Variants in RDX observed in about 807,000 individuals in gnomAD.
RDX encodes radixin, also known as deafness, autosomal recessive 24.
In RDX, 32 loss-of-function variants were observed where a neutral mutation model predicts 83.7. That is an observed-to-expected ratio of 0.38 (90% CI 0.29 to 0.51). The LOEUF (loss-of-function observed/expected upper bound fraction) is 0.51, where lower values mean the gene tolerates loss of function less well. RDX is among the 20% of genes least tolerant of loss of function. RDX has a pLI of 0.87. For missense variants in RDX, 600 were observed against 689.9 expected (o/e 0.87, Z 1.46); for synonymous variants, 229 against 222.7 (o/e 1.03, Z -0.25).
At chr11:110,248,702 A>C (rs559746499) in intron 9 of RDX, among the ~76,000 whole-genome samples, 1 of 152,330 alleles carries the variant, frequency 6.6e-6, no homozygotes, top group South Asian at 2.1e-4. Flanking sequence ...CCATGCCCCA[A>C]GAAAATATCT....
At chr11:110,250,762 T>C (rs961814918) in intron 9 of RDX, among the ~76,000 whole-genome samples, 7 of 152,242 alleles carry the variant, frequency 4.6e-5, no homozygotes, top group African/African-American at 1.7e-4. Context: ...CTGATTATAA[T>C]ATTTAAAACA....
chr11:110,243,403 A>G (rs1865177945), intron 10 of RDX, among the ~76,000 whole-genome samples: 2 of 152,200 alleles, frequency 1.3e-5, no homozygotes, highest in African/African-American at 4.8e-5. Context: ...ATGTACTTTC[A>G]AACACTAGTA....
chr11:110,229,232 A>T (rs1864532915), downstream of RDX, among the ~76,000 whole-genome samples: 1 of 152,014 alleles, frequency 6.6e-6, no homozygotes, highest in African/African-American at 2.4e-5. Flanking sequence ...CAACAAAGTC[A>T]ATTTAATTTA....
At chr11:110,195,914 G>A (rs2134231100) in intron 15 of RDX, 1 of 152,326 alleles carries the variant, frequency 6.6e-6, no homozygotes, top group Non-Finnish European at 1.5e-5. Context: ...GAAGTCCCAA[G>A]TCCTGGCCCA....
At chr11:110,216,609 G>T (rs956316679) in intron 14 of RDX, among the ~76,000 whole-genome samples, 1 of 149,006 alleles carries the variant, frequency 6.7e-6, no homozygotes, top group Non-Finnish European at 1.5e-5. Context: ...CATTCCTGGC[G>T]TCAAGTGATC....
intron 14 of RDX, among the ~76,000 whole-genome samples, chr11:110,201,131 G>A (rs986929049): frequency 2.7e-5 from 4 of 148,434 alleles, no homozygotes; most frequent in Admixed American, 6.8e-5. Flanking sequence ...AGCCAAGATC[G>A]GGCCATTACA....
At chr11:110,246,422 C>T (rs776263696) in intron 10 of RDX, among the ~76,000 whole-genome samples, 2 of 152,076 alleles carry the variant, frequency 1.3e-5, no homozygotes, top group Non-Finnish European at 2.9e-5. Context: ...ATCCAAAAAA[C>T]GTGAAATCTG....
intron 10 of RDX, among the ~76,000 whole-genome samples, chr11:110,245,166 G>A (rs868794279): frequency 2.6e-5 from 4 of 152,050 alleles, no homozygotes; most frequent in Admixed American, 1.3e-4. Context: ...TGGCCAGGCT[G>A]GTCTTAAACT....
chr11:110,196,972 C>T (rs541212645), intron 15 of RDX, among the ~76,000 whole-genome samples: 1 of 152,270 alleles, frequency 6.6e-6, no homozygotes, highest in South Asian at 2.1e-4. Flanking sequence ...GATCTTGGCT[C>T]ACTGCAGCCT....
rs1297893133 is a variant in RDX at position 110,296,516 on chromosome 11, C to A, written c.-114G>T. 2.0e-5 allele frequency: 3 copies of A among 151,440 alleles called. No homozygotes were observed. Among genetic ancestry groups the A allele is most frequent in the African/African-American group, 4.8e-5 (2 of 41,352 alleles). 9.4% of individuals were successfully genotyped at this position (151,440 alleles called of 1,614,324 possible). A position where few individuals can be genotyped will look rare whatever the true frequency, so the allele number is the denominator to read the frequency against. The stretch of plus-strand genomic sequence containing the variant: ...GCCGGCGTGTGGCTGGGGCGCTGCG[C>A]GGCGGCGCGGCTGCGACAGGGAGGG... On this transcript the variant is annotated 5_prime_UTR_variant, in exon 1 of 14. Transcript: ENST00000645495.
At position 110,269,883 on chromosome 11, in the gene RDX, C is replaced by CA. The variant is rs1369210212; in HGVS notation, c.96+2652dup. ...CGAAACCCCATCTCTACCAAAAATA[C>CA]AAAAAAAAATTAGCCGGGCATGGTG... On this transcript the variant is annotated intron_variant, in intron 3 of 13. Transcript: ENST00000645495. Among the ~76,000 whole-genome samples, 6 of 150,574 alleles carry CA rather than the reference C, an allele frequency of 4.0e-5. No homozygotes were observed. The East Asian group carries it at 7.8e-4, about 20-fold the overall frequency.
chr11:110,176,015 A>G (rs1462663672), intron 15 of RDX, among the ~76,000 whole-genome samples: 1 of 152,008 alleles, frequency 6.6e-6, no homozygotes, highest in Non-Finnish European at 1.5e-5. Context: ...TGGGGACTAC[A>G]GGAGGCCCCT....
At chr11:110,292,602 A>G (rs948603609) in intron 1 of RDX, among the ~76,000 whole-genome samples, 17 of 152,188 alleles carry the variant, frequency 1.1e-4, no homozygotes, top group African/African-American at 4.1e-4. Context: ...TCACTTCACA[A>G]ATTTACCTGC....
In RDX at chr11:110,235,877, T is replaced by C. The variant is rs115712603; in HGVS notation, c.1344+222A>G. 8.4e-3 allele frequency among the ~76,000 whole-genome samples: 1,277 copies of C among 152,336 alleles called. 24 individuals are homozygous for C. The highest frequency in any genetic ancestry group is 0.028 in the African/African-American group (1,158 of 41,566). ...ATTCAAGACCCAGCTTAAATGTATA[T>C]GGGTCTCCCGACAACTCTCTGGTCC... On this transcript the variant is annotated intron_variant, in intron 12 of 13. Transcript: ENST00000645495.
intron 2 of RDX, among the ~76,000 whole-genome samples, chr11:110,277,905 T>C (rs1860584148): frequency 6.6e-6 from 1 of 152,244 alleles, no homozygotes; most frequent in African/African-American, 2.4e-5. Flanking sequence ...TCCTATGTTT[T>C]CTTCTAGATG....
intron 3 of RDX, among the ~76,000 whole-genome samples, chr11:110,268,494 A>G (rs1369424655): frequency 6.6e-6 from 1 of 152,222 alleles, no homozygotes; most frequent in Non-Finnish European, 1.5e-5. Flanking sequence ...CATAGAAAAC[A>G]TTCAAGCTTG....
rs1864718790 is a variant in RDX, at chr11:110,233,406, G to A, written c.1418C>T (p.Pro473Leu). Residue 473 changes from proline (P) to leucine (L), a missense_variant, in exon 13 of 14, where the codon CCT becomes CTT. Physicochemically the swap from Pro to Leu is moderately conservative, Grantham distance 98. Coordinates refer to ENST00000645495, the MANE Select transcript of RDX (RefSeq NM_002906.4). ...LKTVMSAPPP[P>L]PPPPVIPPTE... Reference sequence around the variant, plus strand: ...TGGAGGAATGACTGGTGGTGGTGGAGGTGGAGGGGGGGCAGACATCACAGT... The same window carrying A: ...TGGAGGAATGACTGGTGGTGGTGGAAGTGGAGGGGGGGCAGACATCACAGT... 1.9e-6 allele frequency: 3 copies of A among 1,614,182 alleles called. No individual in the cohort carries two copies. Among genetic ancestry groups the A allele is most frequent in the South Asian group, 2.2e-5 (2 of 91,084 alleles).
At chr11:110,234,831 C>G (rs1591134416) in intron 12 of RDX, among the ~76,000 whole-genome samples, 1 of 152,116 alleles carries the variant, frequency 6.6e-6, no homozygotes, top group African/African-American at 2.4e-5. Context: ...CTTAAGAGTG[C>G]AAGAAAACTG....
At chr11:110,260,232 C>T (rs1859748375) in intron 5 of RDX, among the ~76,000 whole-genome samples, 1 of 152,038 alleles carries the variant, frequency 6.6e-6, no homozygotes, top group African/African-American at 2.4e-5. Flanking sequence ...GTGATCCGCC[C>T]ACCTCGGCCT....
Sources: allele counts gnomAD v4.1 joint callset (sites outside exome capture counted in the v4.1 genomes callset), GRCh38; gene constraint gnomAD v4.1.1; transcripts MANE v1.5; gene names NCBI Gene and HGNC (gene_info 2026-07-23, HGNC 2026-07-21).